The following FAAH2 variants were observed in gnomAD, a reference collection of about 807,000 sequenced individuals.
FAAH2 encodes fatty acid amide hydrolase 2, also known as fatty-acid amide hydrolase 2.
FAAH2 carries 60 observed loss-of-function variants against 36.9 expected under a neutral mutation model. The ratio of observed to expected loss-of-function variants is 1.63; its 90% CI spans 1.32 to 2.02. The LOEUF (loss-of-function observed/expected upper bound fraction) is 2.02. FAAH2 is among the 30% of genes most tolerant of loss of function. The pLI, the probability that FAAH2 is intolerant of heterozygous loss-of-function variation, is 0.00. For missense variants in FAAH2, 689 were observed against 397.5 expected, an observed-to-expected ratio of 1.73 and a Z score of -6.23; for synonymous variants, 214 against 143.8, an observed-to-expected ratio of 1.49 and a Z score of -3.49.
intron 5 of FAAH2, among the ~76,000 whole-genome samples, chrX:57,372,167 A>G (rs898247743): frequency 9.0e-6 from 1 of 111,554 alleles, no homozygotes; most frequent in Non-Finnish European, 1.9e-5. Context: ...ATACCCAGTA[A>G]TAGTATTGAT....
chrX:57,143,474 C>T, the FAAH2 span, among the ~76,000 whole-genome samples: 1 of 109,653 alleles, frequency 9.1e-6, no homozygotes, highest in Admixed American at 9.8e-5. Context: ...TAAAATTGCT[C>T]GTATTATTAT....
chrX:57,315,256 C>T (rs971541403), intron 3 of FAAH2, among the ~76,000 whole-genome samples: 5 of 110,895 alleles, frequency 4.5e-5, no homozygotes, highest in East Asian at 5.6e-4. Context: ...GAGATGGAAT[C>T]GGTAATAAGA....
intron 10 of FAAH2, among the ~76,000 whole-genome samples, chrX:57,473,896 T>C (rs1427159445): frequency 9.0e-6 from 1 of 111,601 alleles, no homozygotes; most frequent in Non-Finnish European, 1.9e-5. Flanking sequence ...TTGAGTCTCA[T>C]TGTGCCTTTG....
At chrX:57,394,924 T>C in intron 7 of FAAH2, 1 of 641,072 alleles carries the variant, frequency 1.6e-6, no homozygotes. Flanking sequence ...CAGCATGCCT[T>C]CTGGCAATCT....
chrX:57,229,877 G>A, the FAAH2 span, among the ~76,000 whole-genome samples: 1 of 111,124 alleles, frequency 9.0e-6, no homozygotes, highest in Non-Finnish European at 1.9e-5. Flanking sequence ...CTTTATTCTT[G>A]CTTTTATCCT....
At chrX:57,484,218 A>G (rs1458047903) in intron 10 of FAAH2, among the ~76,000 whole-genome samples, 1 of 111,089 alleles carries the variant, frequency 9.0e-6, no homozygotes, top group African/African-American at 3.3e-5. Flanking sequence ...CTGTTGTTTC[A>G]GGTAATGAGC....
At chrX:57,307,150 G>A (rs1051425609) in intron 2 of FAAH2, among the ~76,000 whole-genome samples, 2 of 103,121 alleles carry the variant, frequency 1.9e-5, no homozygotes, top group Admixed American at 1.1e-4. Flanking sequence ...GTTTTCATTA[G>A]AATGAGCCAT....
chrX:57,184,502 G>A, the FAAH2 span, among the ~76,000 whole-genome samples: 1 of 112,289 alleles, frequency 8.9e-6, no homozygotes, highest in East Asian at 2.8e-4. Flanking sequence ...AAGAACCTAC[G>A]TTGAAATATT....
At chrX:57,392,733 C>G (rs1239303149) in intron 7 of FAAH2, 1 of 609,625 alleles carries the variant, frequency 1.6e-6, no homozygotes, top group Non-Finnish European at 2.8e-6. Context: ...GCTCATCGTT[C>G]CTACTAAAGG....
the FAAH2 span, among the ~76,000 whole-genome samples, chrX:57,177,343 G>A: frequency 1.9e-5 from 2 of 107,437 alleles, no homozygotes; most frequent in African/African-American, 6.8e-5. Context: ...GAATGCTGAT[G>A]TTCCAAGTAG....
intron 10 of FAAH2, among the ~76,000 whole-genome samples, chrX:57,450,810 G>A (rs2056769741): frequency 9.0e-6 from 1 of 111,094 alleles, no homozygotes; most frequent in Non-Finnish European, 1.9e-5. Context: ...ATAATGTGTA[G>A]AGTGCTTTAA....
At chrX:57,124,644 T>C in the FAAH2 span, among the ~76,000 whole-genome samples, 1 of 111,932 alleles carries the variant, frequency 8.9e-6, no homozygotes, top group African/African-American at 3.3e-5. Context: ...GAGCATGGAA[T>C]GTTCTTCCAT....
At chrX:57,374,438 G>A (rs752004165) in intron 5 of FAAH2, among the ~76,000 whole-genome samples, 5 of 111,533 alleles carry the variant, frequency 4.5e-5, no homozygotes, top group Non-Finnish European at 9.4e-5. Context: ...TCCCGGGTTA[G>A]GTATATTCCT....
intron 5 of FAAH2, among the ~76,000 whole-genome samples, chrX:57,364,857 T>C (rs1457511918): frequency 9.0e-6 from 1 of 111,548 alleles, no homozygotes; most frequent in Non-Finnish European, 1.9e-5. Context: ...TGTAATTATG[T>C]GGTTTTGAGG....
intron 3 of FAAH2, among the ~76,000 whole-genome samples, chrX:57,327,947 T>C (rs1429285092): frequency 1.8e-5 from 2 of 111,589 alleles, no homozygotes; most frequent in Non-Finnish European, 3.8e-5. Context: ...TTTTTTGCTC[T>C]GTTTTTTCCC....
chrX:57,235,297 C>A, the FAAH2 span, among the ~76,000 whole-genome samples: 1 of 111,277 alleles, frequency 9.0e-6, no homozygotes, highest in Non-Finnish European at 1.9e-5. Context: ...GAAAAAAAAA[C>A]CTTGTTGCAG....
the FAAH2 span, among the ~76,000 whole-genome samples, chrX:57,225,413 G>T: frequency 8.9e-6 from 1 of 111,811 alleles, no homozygotes; most frequent in Non-Finnish European, 1.9e-5. Context: ...GCTCATTCAG[G>T]AGCAGGTTAT....
chrX:57,461,663 G>A (rs992727122), intron 10 of FAAH2, among the ~76,000 whole-genome samples: 4 of 110,869 alleles, frequency 3.6e-5, no homozygotes, highest in Non-Finnish European at 5.7e-5. Flanking sequence ...TGTTAAGAGG[G>A]ACATTTATAG....
chrX:57,287,127 T>G lies in FAAH2; in HGVS notation c.192+110T>G, dbSNP rs1158152533. 3.9e-6 allele frequency: 3 copies of G among 775,508 alleles called. No individual in the cohort carries two copies. In the East Asian group the frequency reaches 1.1e-4, roughly 29 times the overall value. 63.9% of individuals were successfully genotyped at this position (775,508 alleles called of 1,213,427 possible). ...CCTTTCCATTCTCTACTAGGGCGAC[T>G]TAGGAGAGGCATTTATTGGGGATGA... On this transcript the variant is annotated intron_variant, in intron 1 of 10. Transcript: ENST00000374900.
Sources: allele counts gnomAD v4.1 joint callset (sites outside exome capture counted in the v4.1 genomes callset), GRCh38; gene constraint gnomAD v4.1.1; transcripts MANE v1.5; gene names NCBI Gene and HGNC (gene_info 2026-07-23, HGNC 2026-07-21).